KDM6A: variants seen among roughly 807,000 people sequenced by gnomAD.
The protein encoded by KDM6A is lysine demethylase 6A.
In KDM6A, 11 loss-of-function variants were observed where a neutral mutation model predicts 117.6. The observed-to-expected ratio is 0.09, with a 90% CI of 0.06 to 0.15. The LOEUF (loss-of-function observed/expected upper bound fraction) is 0.15, where lower values mean the gene tolerates loss of function less well. Ranked by LOEUF, KDM6A falls within the 10% of genes least tolerant of loss-of-function variation. The probability of loss-of-function intolerance (pLI) is 1.00; values close to 1 mark genes in which losing one functional copy is unlikely to be tolerated. For missense variants in KDM6A, 799 were observed against 1,077.3 expected (o/e 0.74, Z 3.62); for synonymous variants, 384 against 396.1 (o/e 0.97, Z 0.36).
intron 4 of KDM6A, among the ~76,000 whole-genome samples, chrX:44,984,861 G>A (rs1261665564): frequency 2.7e-5 from 3 of 111,608 alleles, no homozygotes; most frequent in Non-Finnish European, 5.6e-5. Flanking sequence ...CTCCAGCTTT[G>A]TTCTTTTGGC....
chrX:45,099,398 G>A (rs1281905066), intron 27 of KDM6A, among the ~76,000 whole-genome samples: 1 of 109,430 alleles, frequency 9.1e-6, no homozygotes, highest in African/African-American at 3.3e-5. Flanking sequence ...ACCTACGAAA[G>A]TCTTTTTTTA....
intron 18 of KDM6A, among the ~76,000 whole-genome samples, chrX:45,073,956 A>G (rs952672733): frequency 1.8e-5 from 2 of 111,775 alleles, no homozygotes; most frequent in African/African-American, 3.3e-5. Context: ...GCCCATGCCT[A>G]TGTCGTGAAT....
chrX:44,893,289 A>G (rs2033539425), intron 2 of KDM6A, among the ~76,000 whole-genome samples: 2 of 111,712 alleles, frequency 1.8e-5, no homozygotes, highest in South Asian at 3.6e-4. Context: ...GAGCTTTCCA[A>G]TTCATGAACA....
chrX:45,105,980 G>A (rs913597902), intron 27 of KDM6A, among the ~76,000 whole-genome samples: 5 of 111,967 alleles, frequency 4.5e-5, no homozygotes, highest in African/African-American at 1.6e-4. Flanking sequence ...ATGATCTGAG[G>A]TGGAACAATT....
intron 2 of KDM6A, among the ~76,000 whole-genome samples, chrX:44,881,690 CTTT>C (rs763093798): frequency 1.0e-5 from 1 of 95,604 alleles, no homozygotes; most frequent in Non-Finnish European, 2.1e-5. Flanking sequence ...ACTATTTTGT[CTTT>C]TTTTTTTTTT....
intron 8 of KDM6A, among the ~76,000 whole-genome samples, chrX:45,047,228 A>AT (rs200757041): frequency 0.17 from 17,375 of 103,002 alleles, 2,105 homozygotes; most frequent in African/African-American, 0.42. Context: ...CTGGGGTTTG[A>AT]TTTTTTTTTT....
chrX:45,086,336 T>C (rs975532448), intron 25 of KDM6A: 2 of 208,397 alleles, frequency 9.6e-6, no homozygotes, highest in Admixed American at 6.9e-5. Flanking sequence ...AGGAATTCTT[T>C]ATTGAGCACC....
Position 45,058,990 on chromosome X carries a change from T to A in KDM6A, c.876-16T>A. 1.8e-6 allele frequency: 2 copies of A among 1,140,042 alleles called. No homozygotes were observed. The highest frequency in any genetic ancestry group is 2.4e-6 in the Non-Finnish European group (2 of 834,352). 94.0% of individuals were successfully genotyped at this position (1,140,042 alleles called of 1,213,427 possible). A position where few individuals can be genotyped will look rare whatever the true frequency, so the allele number is the denominator to read the frequency against. On this transcript the variant is annotated splice_polypyrimidine_tract_variant and intron_variant, in intron 10 of 29. Coordinates refer to ENST00000611820, the MANE Select transcript of KDM6A (RefSeq NM_001291415.2). Reference sequence around the variant, plus strand: ...GAATTCTCTTGATTTTTTTTTTTTTTCCCTTCCCTTCTCAGGTGCTATTCA... The same window carrying A: ...GAATTCTCTTGATTTTTTTTTTTTTACCCTTCCCTTCTCAGGTGCTATTCA...
chrX:44,985,316 G>A (rs1409878024), intron 4 of KDM6A, among the ~76,000 whole-genome samples: 6 of 111,683 alleles, frequency 5.4e-5, no homozygotes, highest in South Asian at 3.7e-4. Context: ...GGGCTGAAAC[G>A]ATGGGGTTTT....
At chrX:45,036,176 G>T (rs2042807274) in intron 7 of KDM6A, among the ~76,000 whole-genome samples, 1 of 111,316 alleles carries the variant, frequency 9.0e-6, no homozygotes, top group South Asian at 3.7e-4. Flanking sequence ...GGAGTGCAGT[G>T]GTGTCAGAGT....
At chrX:44,942,416 G>GTCTTCTGTTGATCTGTA (rs773140778) in intron 2 of KDM6A, among the ~76,000 whole-genome samples, 1 of 110,625 alleles carries the variant, frequency 9.0e-6, no homozygotes, top group Admixed American at 9.7e-5. Flanking sequence ...TGGGTTCTCT[G>GTCTTCTGTTGATCTGTA]TCTTCTGTTG....
At chrX:45,032,504 C>A (rs1274069236) in intron 6 of KDM6A, among the ~76,000 whole-genome samples, 1 of 111,646 alleles carries the variant, frequency 9.0e-6, no homozygotes, top group Admixed American at 9.5e-5. Context: ...TCTGTAAGTT[C>A]TTTCATTGTC....
chrX:45,043,205 T>A (rs1399666949), intron 8 of KDM6A, among the ~76,000 whole-genome samples: 5 of 110,874 alleles, frequency 4.5e-5, no homozygotes, highest in Non-Finnish European at 7.6e-5. Flanking sequence ...TGGAAGGATC[T>A]CTTGAGCCTG....
chrX:44,956,038 A>G (rs1474127134), intron 2 of KDM6A, among the ~76,000 whole-genome samples: 1 of 111,942 alleles, frequency 8.9e-6, no homozygotes, highest in East Asian at 2.8e-4. Flanking sequence ...CTTCTGAATG[A>G]GCTGAATTAA....
At chrX:44,913,108 A>G (rs1270146958) in intron 2 of KDM6A, among the ~76,000 whole-genome samples, 1 of 111,629 alleles carries the variant, frequency 9.0e-6, no homozygotes, top group Non-Finnish European at 1.9e-5. Flanking sequence ...AGGAAGAGTA[A>G]CTTCTCTTTC....
intron 10 of KDM6A, among the ~76,000 whole-genome samples, chrX:45,055,485 A>T (rs774805044): frequency 3.0e-4 from 34 of 111,786 alleles, no homozygotes; most frequent in Admixed American, 5.7e-4. Flanking sequence ...CCCCAGGCTT[A>T]TAAAAGAGCC....
At chrX:44,889,953 A>G (rs1254837796) in intron 2 of KDM6A, among the ~76,000 whole-genome samples, 4 of 112,482 alleles carry the variant, frequency 3.6e-5, no homozygotes, top group Non-Finnish European at 7.5e-5. Flanking sequence ...AGCATCTTGC[A>G]AAACTGTGGT....
chrX:44,959,922 C>G (rs777560510), intron 2 of KDM6A, among the ~76,000 whole-genome samples: 1 of 111,446 alleles, frequency 9.0e-6, no homozygotes, highest in East Asian at 2.8e-4. Context: ...AAGACAAGTT[C>G]TTTTGTAAAC....
chrX:44,955,175 C>A (rs2038256061), intron 2 of KDM6A, among the ~76,000 whole-genome samples: 1 of 111,520 alleles, frequency 9.0e-6, no homozygotes, highest in African/African-American at 3.3e-5. Flanking sequence ...ATTCCCTCCC[C>A]ACCCCTGCTT....
Sources: allele counts gnomAD v4.1 joint callset (sites outside exome capture counted in the v4.1 genomes callset), GRCh38; gene constraint gnomAD v4.1.1; transcripts MANE v1.5; gene names NCBI Gene and HGNC (gene_info 2026-07-23, HGNC 2026-07-21).